ADI1: variants seen among roughly 807,000 people sequenced by gnomAD.
ADI1 encodes acireductone dioxygenase.
ADI1 carries 21 observed loss-of-function variants against 18.7 expected under a neutral mutation model. The ratio of observed to expected loss-of-function variants is 1.13; its 90% CI spans 0.80 to 1.62. ADI1 has a LOEUF of 1.62. Ranked by LOEUF, ADI1 falls within the 40% of genes most tolerant of loss-of-function variation. ADI1 has a pLI of 0.00. For missense variants in ADI1, 245 were observed against 254.9 expected (o/e 0.96, Z 0.26); for synonymous variants, 90 against 100.1 (o/e 0.90, Z 0.60).
In ADI1 at chr2:3,506,771, G is replaced by C. The variant is rs541845078; in HGVS notation, c.241-5778C>G. On this transcript the variant is annotated intron_variant, in intron 2 of 3. Coordinates refer to ENST00000327435, the MANE Select transcript of ADI1 (RefSeq NM_018269.4). Reference sequence around the variant, plus strand: ...TGAAGAAGAACAAAGTTGAAGAACCGACACTACCTGACTTCAAGACTTACT... The same window carrying C: ...TGAAGAAGAACAAAGTTGAAGAACCCACACTACCTGACTTCAAGACTTACT... 3.0e-4 allele frequency among the ~76,000 whole-genome samples: 46 copies of C among 152,282 alleles called. No homozygotes were observed. In the South Asian group the frequency reaches 9.3e-3, roughly 31 times the overall value.
intron 2 of ADI1, among the ~76,000 whole-genome samples, chr2:3,510,196 T>A (rs1358050169): frequency 4.0e-5 from 6 of 150,924 alleles, no homozygotes. Context: ...ATACCTGTAG[T>A]CCTAGCTACT....
intron 1 of ADI1, chr2:3,514,939 T>C (rs1365466127): frequency 6.7e-7 from 1 of 1,489,938 alleles, no homozygotes; most frequent in Non-Finnish European, 9.0e-7. Flanking sequence ...ACTTTTATAA[T>C]TTATTATGCC....
intron 1 of ADI1, among the ~76,000 whole-genome samples, chr2:3,514,647 A>C (rs754900528): frequency 9.2e-5 from 14 of 152,188 alleles, no homozygotes; most frequent in East Asian, 1.9e-4. Flanking sequence ...TCACAATCCT[A>C]TCTCTATTAA....
At chr2:3,518,940 T>C (rs1325836391) in intron 1 of ADI1, among the ~76,000 whole-genome samples, 1 of 152,152 alleles carries the variant, frequency 6.6e-6, no homozygotes, top group East Asian at 1.9e-4. Flanking sequence ...ACTCTGCTGC[T>C]GAGCATGCGC....
At position 3,513,795 on chromosome 2, in the gene ADI1, T is replaced by C. The variant is rs1667340780; in HGVS notation, c.240+62A>G. The C allele has an allele frequency of 2.0e-6, 3 of 1,486,186 alleles. No homozygotes were observed. The Admixed American group carries it at 7.3e-5, about 36-fold the overall frequency. The allele number at this position is 1,486,186 out of a possible 1,614,324, so 92.1% of individuals were successfully genotyped here. A position where few individuals can be genotyped will look rare whatever the true frequency, so the allele number is the denominator to read the frequency against. On this transcript the variant is annotated intron_variant, in intron 2 of 3. Transcript: ENST00000327435. The stretch of plus-strand genomic sequence containing the variant: ...ATTAAAAGAAAAAAGAAAGAAAATA[T>C]TGCGTCTATTAGTAGTGAATATAAT...
At chr2:3,519,285 C>A in intron 1 of ADI1, 83 bp downstream of exon 1, 1 of 1,312,806 alleles carries the variant, frequency 7.6e-7, no homozygotes, top group East Asian at 3.2e-5. Flanking sequence ...GGCCGCTGCC[C>A]GGCACCTGGA....
chr2:3,510,986 A>C (rs920006839), intron 2 of ADI1, among the ~76,000 whole-genome samples: 2 of 152,244 alleles, frequency 1.3e-5, no homozygotes, highest in Non-Finnish European at 2.9e-5. Context: ...ATAGTTTGGC[A>C]ATATGTCCCC....
chr2:3,499,023 C>T lies in ADI1; in HGVS notation c.480G>A (p.Arg160=), dbSNP rs2103198995. The change falls in exon 4 of 4, where the codon CGG becomes CGA. Residue 160 remains arginine (R), a synonymous_variant. Transcript: ENST00000327435. ...VGEPVWTAYN[R]PADHFEARGQ... is the part of the protein sequence containing the mutation. ...CGCGGGCTTCAAAATGGTCAGCGGG[C>T]CGGTTGTACGCTGTCCACACCGGTT... 1 of 1,614,098 alleles carries T rather than the reference C, an allele frequency of 6.2e-7. No individual in the cohort carries two copies. Among genetic ancestry groups the T allele is most frequent in the Non-Finnish European group, 8.5e-7 (1 of 1,179,926 alleles).
intron 1 of ADI1, among the ~76,000 whole-genome samples, chr2:3,518,821 C>G (rs940393597): frequency 1.3e-5 from 2 of 152,246 alleles, no homozygotes; most frequent in African/African-American, 4.8e-5. Flanking sequence ...GAACTCGCAG[C>G]CCGCCTCCGG....
intron 2 of ADI1, among the ~76,000 whole-genome samples, chr2:3,505,901 T>A (rs1667165850): frequency 6.6e-6 from 1 of 152,220 alleles, no homozygotes; most frequent in African/African-American, 2.4e-5. Flanking sequence ...CCACCCACCA[T>A]GTGAAAACAC....
At chr2:3,517,022 C>G (rs964157711) in intron 1 of ADI1, 2 of 825,728 alleles carry the variant, frequency 2.4e-6, no homozygotes, top group Non-Finnish European at 2.9e-6. Flanking sequence ...ATGCCTGGCC[C>G]AGGAGAGGTC....
At chr2:3,518,845 C>G (rs888199453) in intron 1 of ADI1, among the ~76,000 whole-genome samples, 1 of 152,244 alleles carries the variant, frequency 6.6e-6, no homozygotes, top group African/African-American at 2.4e-5. Flanking sequence ...ATCTTGCAGC[C>G]CTGCCGGCCG....
chr2:3,516,276 G>A (rs6605294), intron 1 of ADI1: 114,063 of 156,532 alleles, frequency 0.73, 43,669 homozygotes, highest in Non-Finnish European at 0.85. Flanking sequence ...GAGGTCAGGG[G>A]TTCAAGACCA....
intron 2 of ADI1, among the ~76,000 whole-genome samples, chr2:3,505,211 C>T (rs1426039195): frequency 6.6e-6 from 1 of 152,208 alleles, no homozygotes; most frequent in Non-Finnish European, 1.5e-5. Context: ...AAAAGCAGAA[C>T]AAACTGAAAA....
chr2:3,499,480 G>C (rs1666946390), intron 3 of ADI1, among the ~76,000 whole-genome samples: 3 of 152,152 alleles, frequency 2.0e-5, no homozygotes, highest in African/African-American at 7.2e-5. Context: ...GGGCAGGAGA[G>C]GACAATTCAG....
chr2:3,516,167 TTTATAG>T, intron 1 of ADI1: 4 of 546,966 alleles, frequency 7.3e-6, no homozygotes, highest in Non-Finnish European at 7.0e-6. Context: ...CAAGCCCTCA[TTTATAG>T]GATTAGTGGC....
chr2:3,502,929 T>C (rs1572232664), intron 2 of ADI1, among the ~76,000 whole-genome samples: 1 of 151,954 alleles, frequency 6.6e-6, no homozygotes, highest in East Asian at 1.9e-4. Flanking sequence ...AAAACATTGA[T>C]ATGACTGGGA....
At chr2:3,508,608 C>CA (rs1360394429) in intron 2 of ADI1, among the ~76,000 whole-genome samples, 3 of 151,856 alleles carry the variant, frequency 2.0e-5, no homozygotes, top group South Asian at 2.1e-4. Flanking sequence ...TAACACAAAT[C>CA]AAAAAAATGC....
chr2:3,513,807 G>C (rs746562730), intron 2 of ADI1, 50 bp downstream of exon 2: 1 of 1,546,624 alleles, frequency 6.5e-7, no homozygotes, highest in Non-Finnish European at 8.7e-7. Flanking sequence ...GCGTCTATTA[G>C]TAGTGAATAT....
Sources: allele counts gnomAD v4.1 joint callset (sites outside exome capture counted in the v4.1 genomes callset), GRCh38; gene constraint gnomAD v4.1.1; transcripts MANE v1.5; gene names NCBI Gene and HGNC (gene_info 2026-07-23, HGNC 2026-07-21).